The following NRG1 variants were observed in gnomAD, a reference collection of about 807,000 sequenced individuals.
NRG1 encodes the protein pro-neuregulin-1, membrane-bound isoform.
Under a neutral mutation model 63.8 loss-of-function variants are expected in NRG1, and 18 were observed. The observed-to-expected ratio is 0.28, with a 90% CI of 0.19 to 0.42. The LOEUF is 0.42. Ranked by LOEUF, NRG1 falls within the 10% of genes least tolerant of loss-of-function variation. The pLI, the probability that NRG1 is intolerant of heterozygous loss-of-function variation, is 1.00. For synonymous variants in NRG1, 302 were observed against 301.3 expected (o/e 1.00, Z -0.02); for missense variants, 762 against 814.7 (o/e 0.94, Z 0.79).
At chr8:31,746,114 A>G (rs1007845126) in intron 1 of NRG1, among the ~76,000 whole-genome samples, 14 of 151,822 alleles carry the variant, frequency 9.2e-5, no homozygotes, top group African/African-American at 3.4e-4. Context: ...TAGTTGGCAC[A>G]ATAGTTAAAT....
At chr8:31,714,913 T>G (rs1054320421) in intron 1 of NRG1, among the ~76,000 whole-genome samples, 2 of 152,192 alleles carry the variant, frequency 1.3e-5, no homozygotes, top group African/African-American at 4.8e-5. Context: ...TTTAGTAGCC[T>G]TGTGATTTTT....
chr8:31,930,609 TGTTA>T (rs927709704), intron 1 of NRG1, among the ~76,000 whole-genome samples: 6 of 152,172 alleles, frequency 3.9e-5, no homozygotes, highest in Admixed American at 3.9e-4. Context: ...GATCGGTGGA[TGTTA>T]GTTGAGGGGA....
At chr8:32,105,299 A>G (rs1217399396) in intron 1 of NRG1, among the ~76,000 whole-genome samples, 2 of 152,220 alleles carry the variant, frequency 1.3e-5, no homozygotes, top group Non-Finnish European at 2.9e-5. Context: ...TGGGCAATTT[A>G]CAAAAGAAAG....
intron 5 of NRG1, among the ~76,000 whole-genome samples, chr8:32,724,636 G>A (rs1364072934): frequency 4.6e-5 from 7 of 152,070 alleles, no homozygotes; most frequent in African/African-American, 7.2e-5. Flanking sequence ...TCTCCATCCC[G>A]GCTTCTTCCG....
intron 1 of NRG1, among the ~76,000 whole-genome samples, chr8:32,499,759 G>A (rs1251826742): frequency 6.6e-6 from 1 of 152,188 alleles, no homozygotes. Flanking sequence ...TCAGTCACGT[G>A]CATTTCCCGG....
At chr8:31,885,917 G>A (rs1699128) in intron 1 of NRG1, among the ~76,000 whole-genome samples, 30,975 of 151,958 alleles carry the variant, frequency 0.2, 4,575 homozygotes, top group African/African-American at 0.42. Context: ...GGGTAATCTG[G>A]TTGAAATGGA....
chr8:31,768,593 A>G (rs968660087), intron 1 of NRG1, among the ~76,000 whole-genome samples: 3 of 152,200 alleles, frequency 2.0e-5, no homozygotes, highest in Non-Finnish European at 2.9e-5. Flanking sequence ...GGAGCAGTTT[A>G]CACCTTGAAA....
At chr8:32,468,722 GTTTTT>G (rs151112582) in intron 1 of NRG1, among the ~76,000 whole-genome samples, 1 of 143,836 alleles carries the variant, frequency 7.0e-6, no homozygotes. Flanking sequence ...TAACATTACA[GTTTTT>G]TTTTTTTTTT....
intron 6 of NRG1, among the ~76,000 whole-genome samples, chr8:32,739,040 C>A (rs1202411405): frequency 6.6e-6 from 1 of 152,180 alleles, no homozygotes; most frequent in Non-Finnish European, 1.5e-5. Flanking sequence ...GAATAAGTAT[C>A]ATTTCCCAGA....
At chr8:32,110,267 G>T (rs936641355) in intron 1 of NRG1, among the ~76,000 whole-genome samples, 1 of 151,216 alleles carries the variant, frequency 6.6e-6, no homozygotes, top group African/African-American at 2.5e-5. Context: ...GGAACTTCAA[G>T]GGCTCAAGAG....
chr8:31,698,844 T>G (rs1810345402), intron 1 of NRG1, among the ~76,000 whole-genome samples: 1 of 152,224 alleles, frequency 6.6e-6, no homozygotes. Flanking sequence ...AGCTAGATTA[T>G]AATATGTTAC....
At chr8:32,123,642 A>AAT (rs1171225349) in intron 1 of NRG1, among the ~76,000 whole-genome samples, 2 of 148,868 alleles carry the variant, frequency 1.3e-5, no homozygotes, top group Non-Finnish European at 3.0e-5. Flanking sequence ...TATATATCAT[A>AAT]ATATATATAT....
intron 1 of NRG1, among the ~76,000 whole-genome samples, chr8:31,923,634 A>C (rs1834095047): frequency 6.6e-6 from 1 of 152,056 alleles, no homozygotes; most frequent in African/African-American, 2.4e-5. Context: ...TATTTAAAAG[A>C]TTTAGGGTTC....
At chr8:32,088,448 A>G (rs1255189959) in intron 1 of NRG1, among the ~76,000 whole-genome samples, 1 of 152,008 alleles carries the variant, frequency 6.6e-6, no homozygotes, top group African/African-American at 2.4e-5. Context: ...GGGCTACCTG[A>G]GCAAATACCT....
intron 1 of NRG1, among the ~76,000 whole-genome samples, chr8:32,407,279 A>T (rs1366273719): frequency 2.2e-5 from 1 of 45,602 alleles, no homozygotes; most frequent in Non-Finnish European, 4.6e-5. Flanking sequence ...TATATATTAT[A>T]TATATATATA....
intron 1 of NRG1, among the ~76,000 whole-genome samples, chr8:32,275,292 C>T (rs1851973288): frequency 6.6e-6 from 1 of 152,050 alleles, no homozygotes; most frequent in South Asian, 2.1e-4. Context: ...AGGGTCTGCG[C>T]ATTCAGCAGT....
intron 1 of NRG1, among the ~76,000 whole-genome samples, chr8:32,527,980 TTGACTGGTACATG>T (rs1368569218): frequency 6.6e-6 from 1 of 152,206 alleles, no homozygotes; most frequent in Admixed American, 6.5e-5. Flanking sequence ...TTGCCTCCCC[TTGACTGGTACATG>T]TGCCGTTCCC....
At chr8:31,892,112 T>C (rs1831191738) in intron 1 of NRG1, among the ~76,000 whole-genome samples, 1 of 152,128 alleles carries the variant, frequency 6.6e-6, no homozygotes, top group African/African-American at 2.4e-5. Flanking sequence ...TGTGAGATGT[T>C]ACCATGGGGG....
At chr8:31,930,729 A>C (rs967205) in intron 1 of NRG1, among the ~76,000 whole-genome samples, 129,141 of 152,156 alleles carry the variant, frequency 0.85, 55,558 homozygotes, top group Non-Finnish European at 0.91. Flanking sequence ...TCTGAAATTG[A>C]TGTTTTCTTT....
Sources: gnomAD v4.1 joint callset for allele counts (sites outside exome capture counted in the v4.1 genomes callset) on GRCh38, gnomAD v4.1.1 for gene constraint, MANE v1.5 for transcripts, NCBI Gene and HGNC (gene_info 2026-07-23, HGNC 2026-07-21) for gene names.